Variants in TFAP2E observed in about 807,000 individuals in gnomAD.
TFAP2E encodes transcription factor AP-2 epsilon.
Under a neutral mutation model 37.9 loss-of-function variants are expected in TFAP2E, and 30 were observed. The ratio of observed to expected loss-of-function variants is 0.79; its 90% CI spans 0.59 to 1.07. The LOEUF (loss-of-function observed/expected upper bound fraction) is 1.07. Ranked by LOEUF, TFAP2E falls within the 50% of genes least tolerant of loss-of-function variation. The pLI is 0.00. For synonymous variants in TFAP2E, 318 were observed against 295.8 expected (o/e 1.08, Z -0.77); for missense variants, 567 against 637.9 (o/e 0.89, Z 1.20).
Position 35,588,589 on chromosome 1 carries a change from A to T in TFAP2E, c.785+37A>T. The T allele has an allele frequency of 6.5e-7, 1 of 1,529,292 alleles. No individual in the cohort carries two copies. The highest frequency in any genetic ancestry group is 1.2e-5 in the South Asian group (1 of 80,820). 94.7% of individuals were successfully genotyped at this position (1,529,292 alleles called of 1,614,324 possible). ...AGCCCACAATTCCCCGCCTGATTGG[A>T]TCCCTGGCCTCTTCAGGCCTTCTCA... is the stretch of plus-strand genomic sequence containing the variant. On this transcript the variant is annotated intron_variant, in intron 4 of 6. Coordinates refer to ENST00000373235, the MANE Select transcript of TFAP2E (RefSeq NM_178548.4). This position sits in a 1 kb window ranked among gnomAD's most constrained non-coding sequence, Gnocchi z 5.1.
intron 4 of TFAP2E, among the ~76,000 whole-genome samples, chr1:35,589,492 A>ATG (rs202052280): frequency 0.029 from 3,000 of 103,836 alleles, 86 homozygotes; most frequent in East Asian, 0.089. Flanking sequence ...CTATTCTTTC[A>ATG]CGTGTGTGTG....
At chr1:35,579,504 C>T (rs1649285276) in intron 3 of TFAP2E, among the ~76,000 whole-genome samples, 1 of 152,006 alleles carries the variant, frequency 6.6e-6, no homozygotes, top group Non-Finnish European at 1.5e-5. Context: ...CTCAGATTCT[C>T]GTACCTCAGC....
chr1:35,577,721 G>A lies in TFAP2E; in HGVS notation c.562+2721G>A, dbSNP rs747812791. Reference sequence around the variant, plus strand: ...CGCGGGGCAGAGGCACCTGGAGCTCGCAGGGCCCAGACCTGGGTTGGAAAA... The same window carrying A: ...CGCGGGGCAGAGGCACCTGGAGCTCACAGGGCCCAGACCTGGGTTGGAAAA... On this transcript the variant is annotated intron_variant, in intron 3 of 6. Transcript: ENST00000373235. The surrounding 1 kb of genome is among the most constrained non-coding windows in gnomAD (Gnocchi z 6.3). 5.1e-5 allele frequency: 15 copies of A among 295,042 alleles called. No homozygotes were observed. The highest frequency in any genetic ancestry group is 9.0e-5 in the Non-Finnish European group (13 of 144,994). The allele number at this position is 295,042 out of a possible 1,614,324, so 18.3% of individuals were successfully genotyped here.
chr1:35,591,833 C>T (rs1322063363), intron 6 of TFAP2E, among the ~76,000 whole-genome samples: 3 of 152,124 alleles, frequency 2.0e-5, no homozygotes, highest in Non-Finnish European at 4.4e-5. Flanking sequence ...ATCACAGGCG[C>T]CTGCCACCAG....
intron 4 of TFAP2E, among the ~76,000 whole-genome samples, chr1:35,589,087 C>T (rs1457940244): frequency 1.3e-5 from 2 of 151,700 alleles, no homozygotes; most frequent in Non-Finnish European, 2.9e-5. Context: ...TGTGCGTGTG[C>T]ATGTGTCTAT....
At chr1:35,584,664 A>G (rs1207293151) in intron 3 of TFAP2E, among the ~76,000 whole-genome samples, 1 of 151,952 alleles carries the variant, frequency 6.6e-6, no homozygotes, top group African/African-American at 2.4e-5. Context: ...CAGCCTCCAG[A>G]GTAGCTGGGA....
chr1:35,587,486 A>T (rs901997297), intron 3 of TFAP2E, among the ~76,000 whole-genome samples: 1 of 151,866 alleles, frequency 6.6e-6, no homozygotes, highest in African/African-American at 2.4e-5. Context: ...AAAAATATAG[A>T]AATTAGCCAG....
rs147851482 is a variant in TFAP2E at position 35,590,003 on chromosome 1, C to T, written c.859C>T (p.Arg287Cys). 1.1e-5 allele frequency: 17 copies of T among 1,613,922 alleles called. No individual in the cohort carries two copies. Among genetic ancestry groups the T allele is most frequent in the African/African-American group, 4.0e-5 (3 of 74,902 alleles). ...EKIGLNLPAGRRKAANVTLLT... is the reference protein window; with the variant it reads ...EKIGLNLPAGCRKAANVTLLT... ...GATTGGGCTCAACCTGCCAGCTGGC[C>T]GTCGCAAGGCCGCCAATGTGACGCT... The change falls in exon 5 of 7, where the codon CGT (arginine) becomes TGT (cysteine). Residue 287 changes from arginine to cysteine, a missense_variant. By Grantham distance (180) the Arg-to-Cys change is radical. Transcript: ENST00000373235. The surrounding 1 kb of genome is among the most constrained non-coding windows in gnomAD (Gnocchi z 6.2).
chr1:35,587,279 A>T (rs1480220627), intron 3 of TFAP2E, among the ~76,000 whole-genome samples: 4 of 152,218 alleles, frequency 2.6e-5, no homozygotes, highest in Admixed American at 2.6e-4. Flanking sequence ...AAGCAGGAGG[A>T]TGGAGGTTAG....
chr1:35,576,500 T>C (rs1649173537), intron 3 of TFAP2E, among the ~76,000 whole-genome samples: 2 of 152,128 alleles, frequency 1.3e-5, no homozygotes, highest in South Asian at 4.1e-4. Flanking sequence ...ACCAGAAATA[T>C]GAGCATGGTG....
intron 6 of TFAP2E, among the ~76,000 whole-genome samples, chr1:35,591,145 C>G (rs1182981096): frequency 6.6e-6 from 1 of 151,834 alleles, no homozygotes; most frequent in Non-Finnish European, 1.5e-5. Flanking sequence ...CCTGGGCACA[C>G]TTGGGTGCCA....
intron 3 of TFAP2E, among the ~76,000 whole-genome samples, chr1:35,582,450 A>G (rs1368137472): frequency 1.4e-5 from 2 of 145,946 alleles, no homozygotes; most frequent in Non-Finnish European, 3.1e-5. Flanking sequence ...TTTGTGGTTT[A>G]TCGTTTTCTT....
intron 6 of TFAP2E, among the ~76,000 whole-genome samples, chr1:35,592,766 A>T (rs1649724962): frequency 6.6e-6 from 1 of 152,164 alleles, no homozygotes; most frequent in Non-Finnish European, 1.5e-5. Context: ...GTGTCAGGTG[A>T]GGGCCTGCTT....
In TFAP2E at chr1:35,577,941, A is replaced by G; in HGVS notation, c.562+2941A>G. Among the ~76,000 whole-genome samples, 1 of 152,174 alleles carries G rather than the reference A, an allele frequency of 6.6e-6. No individual in the cohort carries two copies. On this transcript the variant is annotated intron_variant, in intron 3 of 6. Transcript: ENST00000373235. This position sits in a 1 kb window ranked among gnomAD's most constrained non-coding sequence, Gnocchi z 6.3. Reference sequence around the variant, plus strand: ...TTTGTCACCTCCAGTTTTGCAACCTATCCCAGACACACAGAAAGCAAGCAG... The same window carrying G: ...TTTGTCACCTCCAGTTTTGCAACCTGTCCCAGACACACAGAAAGCAAGCAG...
At chr1:35,574,885 G>T in intron 2 of TFAP2E, 64 bp from the exon 3 acceptor site, 2 of 1,609,910 alleles carry the variant, frequency 1.2e-6, no homozygotes, top group Non-Finnish European at 1.7e-6. Flanking sequence ...GGTGGCAGGG[G>T]CTTGGGAAGA....
chr1:35,576,686 C>T (rs564681797), intron 3 of TFAP2E, among the ~76,000 whole-genome samples: 27 of 152,284 alleles, frequency 1.8e-4, no homozygotes, highest in African/African-American at 6.5e-4. Flanking sequence ...AACCCCGGTC[C>T]GAAGCCGAGA....
chr1:35,594,972 G>A lies in TFAP2E; in HGVS notation c.*296G>A, dbSNP rs191323220. ...TGACATGAAAAGATCTGGCTCATGG[G>A]GCAGAGCCCTTTCCATTAGCGTGGC... On this transcript the variant is annotated 3_prime_UTR_variant, in exon 7 of 7. Coordinates refer to ENST00000373235, the MANE Select transcript of TFAP2E (RefSeq NM_178548.4). 5 of 438,154 alleles carry A rather than the reference G, an allele frequency of 1.1e-5. No homozygotes were observed. The highest frequency in any genetic ancestry group is 6.5e-4 in the Middle Eastern group (1 of 1,546). 27.1% of individuals were successfully genotyped at this position (438,154 alleles called of 1,614,324 possible).
Position 35,573,887 on chromosome 1 carries a change from C to A in TFAP2E, c.28-40C>A. The A allele has an allele frequency of 7.0e-7, 1 of 1,435,414 alleles. No individual in the cohort carries two copies. The highest frequency in any genetic ancestry group is 9.0e-7 in the Non-Finnish European group (1 of 1,105,334). 88.9% of individuals were successfully genotyped at this position (1,435,414 alleles called of 1,614,324 possible). A position where few individuals can be genotyped will look rare whatever the true frequency, so the allele number is the denominator to read the frequency against. ...TCCTTTCAGGCTGGGGTCCTTTCAG[C>A]TGCCAGTGGGTCACCTAAGGCACCC... On this transcript the variant is annotated intron_variant, in intron 1 of 6. Coordinates refer to ENST00000373235, the MANE Select transcript of TFAP2E (RefSeq NM_178548.4). The surrounding 1 kb of genome is among the most constrained non-coding windows in gnomAD (Gnocchi z 5.9).
chr1:35,576,259 G>A (rs1486643822), intron 3 of TFAP2E, among the ~76,000 whole-genome samples: 1 of 152,170 alleles, frequency 6.6e-6, no homozygotes, highest in African/African-American at 2.4e-5. Flanking sequence ...ATGACTTGGA[G>A]TGTGTAGCAG....
Sources: gnomAD v4.1 joint callset for allele counts (sites outside exome capture counted in the v4.1 genomes callset) on GRCh38, gnomAD v4.1.1 for gene constraint, Gnocchi (gnomAD v3.1) non-coding constraint, MANE v1.5 for transcripts, NCBI Gene and HGNC (gene_info 2026-07-23, HGNC 2026-07-21) for gene names.